FOXP1: variants seen among roughly 807,000 people sequenced by gnomAD.
FOXP1 encodes forkhead box protein P1.
FOXP1 carries 15 observed loss-of-function variants against 98.2 expected under a neutral mutation model. The ratio of observed to expected loss-of-function variants is 0.15; its 90% confidence interval spans 0.10 to 0.24. FOXP1 has a LOEUF of 0.24. Among genes scored for constraint, FOXP1 ranks in the 10% least tolerant of loss-of-function variants. FOXP1 has a pLI of 1.00. For missense variants in FOXP1, 633 were observed against 848.5 expected (o/e 0.75, Z 3.15); for synonymous variants, 371 against 314.5 (o/e 1.18, Z -1.90).
intron 7 of FOXP1, among the ~76,000 whole-genome samples, chr3:71,093,232 G>A (rs1488995859): frequency 2.8e-5 from 4 of 141,744 alleles, no homozygotes; most frequent in Middle Eastern, 4.2e-3. Flanking sequence ...CAGCCTGGGC[G>A]ACAAGAGCAA....
At position 71,053,653 on chromosome 3, in the gene FOXP1, C is replaced by T; in HGVS notation, c.403G>A (p.Ala135Thr). The change falls in exon 8 of 21, where the codon GCC becomes ACC. Residue 135 changes from alanine (A) to threonine (T), a missense_variant. Physicochemically the swap from Ala to Thr is moderately conservative, Grantham distance 58. Coordinates refer to ENST00000649528, the MANE Select transcript of FOXP1 (RefSeq NM_001349338.3). ...QLQVLLQQQQ[A>T]LMLQQQQLQE... ...ACAATTACCTGTTGAAGCATGAGGG[C>T]CTGCTGCTGCTGGAGGAGAACCTGG... 6.2e-7 allele frequency: 1 copy of T among 1,614,042 alleles called. No homozygotes were observed. Among genetic ancestry groups the T allele is most frequent in the Non-Finnish European group, 8.5e-7 (1 of 1,180,004 alleles).
At chr3:71,189,055 T>C (rs977438423) in intron 6 of FOXP1, among the ~76,000 whole-genome samples, 3 of 152,180 alleles carry the variant, frequency 2.0e-5, no homozygotes, top group Admixed American at 1.3e-4. Context: ...TGGGCATGGC[T>C]AAATTTAAAT....
intron 6 of FOXP1, among the ~76,000 whole-genome samples, chr3:71,134,103 G>A (rs1260831139): frequency 3.3e-5 from 5 of 151,692 alleles, no homozygotes; most frequent in Non-Finnish European, 7.4e-5. Flanking sequence ...GCCCAAACCC[G>A]CTCACACTGG....
chr3:71,050,037 C>T (rs2049629915), intron 9 of FOXP1, among the ~76,000 whole-genome samples: 1 of 152,174 alleles, frequency 6.6e-6, no homozygotes, highest in South Asian at 2.1e-4. Flanking sequence ...CCACAGCAAA[C>T]CTAGCGACCT....
intron 4 of FOXP1, among the ~76,000 whole-genome samples, chr3:71,335,964 C>T (rs1191903703): frequency 2.4e-5 from 3 of 122,936 alleles, no homozygotes; most frequent in Non-Finnish European, 3.2e-5. Context: ...GGACCAAGAT[C>T]GTGCCATTGC....
chr3:71,131,751 A>G (rs961647986), intron 6 of FOXP1, among the ~76,000 whole-genome samples: 1 of 152,254 alleles, frequency 6.6e-6, no homozygotes, highest in African/African-American at 2.4e-5. Flanking sequence ...GAAGCATCTA[A>G]AGCTTATAAA....
intron 2 of FOXP1, among the ~76,000 whole-genome samples, chr3:71,578,343 C>T (rs922904691): frequency 6.6e-6 from 1 of 152,140 alleles, no homozygotes; most frequent in Non-Finnish European, 1.5e-5. Context: ...AAAATTTATA[C>T]TATGTTCTGA....
intron 7 of FOXP1, among the ~76,000 whole-genome samples, chr3:71,070,843 A>G (rs952092583): frequency 5.9e-5 from 9 of 152,222 alleles, no homozygotes; most frequent in African/African-American, 2.2e-4. Flanking sequence ...GAAGCTTAGC[A>G]GTTGCAACCT....
intron 5 of FOXP1, among the ~76,000 whole-genome samples, chr3:71,200,528 G>C (rs1187703370): frequency 6.6e-6 from 1 of 152,108 alleles, no homozygotes; most frequent in Non-Finnish European, 1.5e-5. Context: ...CAATGAAAAC[G>C]GCAGGCTCAC....
chr3:71,420,959 C>T (rs534173791), intron 3 of FOXP1, among the ~76,000 whole-genome samples: 2 of 152,276 alleles, frequency 1.3e-5, no homozygotes, highest in East Asian at 3.9e-4. Context: ...CTGGTGAGCC[C>T]TATGCCCAGT....
chr3:71,540,228 T>C (rs996064157), intron 2 of FOXP1, among the ~76,000 whole-genome samples: 2 of 152,198 alleles, frequency 1.3e-5, no homozygotes, highest in Non-Finnish European at 2.9e-5. Context: ...TTCAAGACAA[T>C]GTCACTAGAC....
chr3:71,217,589 C>T (rs528476350), intron 5 of FOXP1, among the ~76,000 whole-genome samples: 4 of 152,036 alleles, frequency 2.6e-5, no homozygotes, highest in South Asian at 4.1e-4. Context: ...TAGTATATTT[C>T]AAGAGGCTGG....
intron 5 of FOXP1, among the ~76,000 whole-genome samples, chr3:71,295,034 G>C (rs549391290): frequency 6.6e-6 from 1 of 152,160 alleles, no homozygotes; most frequent in African/African-American, 2.4e-5. Context: ...TTACGCTGGG[G>C]TCTCTTTGTT....
intron 9 of FOXP1, among the ~76,000 whole-genome samples, chr3:71,049,840 C>T (rs963096351): frequency 6.6e-6 from 1 of 152,094 alleles, no homozygotes; most frequent in Admixed American, 6.5e-5. Flanking sequence ...ATGATAATTC[C>T]AGGAGACTGG....
At chr3:71,441,034 C>A (rs1168531312) in intron 3 of FOXP1, among the ~76,000 whole-genome samples, 3 of 152,178 alleles carry the variant, frequency 2.0e-5, no homozygotes, top group Non-Finnish European at 4.4e-5. Context: ...GATAGTACTT[C>A]AGGTTTTTTA....
At chr3:71,200,811 T>C (rs1005379349) in intron 5 of FOXP1, among the ~76,000 whole-genome samples, 1 of 152,232 alleles carries the variant, frequency 6.6e-6, no homozygotes, top group Admixed American at 6.5e-5. Flanking sequence ...GACATTGTTT[T>C]CTTGCTAGAA....
At chr3:71,371,897 C>T (rs998889638) in intron 3 of FOXP1, among the ~76,000 whole-genome samples, 1 of 152,184 alleles carries the variant, frequency 6.6e-6, no homozygotes, top group Non-Finnish European at 1.5e-5. Flanking sequence ...GTCTTTCTGA[C>T]CCCACACCAC....
chr3:71,048,630 C>G (rs1156754550), intron 9 of FOXP1, among the ~76,000 whole-genome samples: 3 of 152,098 alleles, frequency 2.0e-5, no homozygotes, highest in African/African-American at 7.2e-5. Context: ...TTCACCCCTT[C>G]CCAAGTTATC....
intron 2 of FOXP1, among the ~76,000 whole-genome samples, chr3:71,526,234 TGAGCTAAAAACTCCA>T (rs1158676944): frequency 6.6e-6 from 1 of 152,204 alleles, no homozygotes; most frequent in Non-Finnish European, 1.5e-5. Flanking sequence ...TGATACATGA[TGAGCTAAAAACTCCA>T]GGGCCAGCCC....
Sources: gnomAD v4.1 joint callset for allele counts (sites outside exome capture counted in the v4.1 genomes callset) on GRCh38, gnomAD v4.1.1 for gene constraint, MANE v1.5 for transcripts, NCBI Gene and HGNC (gene_info 2026-07-23, HGNC 2026-07-21) for gene names.